LURAP1L: variants seen among roughly 807,000 people sequenced by gnomAD.
LURAP1L encodes leucine rich adaptor protein 1-like.
In LURAP1L, 12 loss-of-function variants were observed where a neutral mutation model predicts 13.8. The observed-to-expected ratio is 0.87, with a 90% confidence interval of 0.56 to 1.41. LURAP1L has a LOEUF of 1.41. LURAP1L is among the 40% of genes most tolerant of loss of function. The pLI is 0.00. For synonymous variants in LURAP1L, 139 were observed against 119.2 expected, an observed-to-expected ratio of 1.17 and a Z score of -1.08; for missense variants, 375 against 292.9, an observed-to-expected ratio of 1.28 and a Z score of -2.04.
intron 1 of LURAP1L, among the ~76,000 whole-genome samples, chr9:12,819,115 C>A (rs932483367): frequency 6.6e-6 from 1 of 152,080 alleles, no homozygotes; most frequent in Admixed American, 6.6e-5. Context: ...TTGAGACACC[C>A]CAACAAATAG....
chr9:12,802,437 T>A (rs1819599928), intron 1 of LURAP1L, among the ~76,000 whole-genome samples: 1 of 152,020 alleles, frequency 6.6e-6, no homozygotes. Flanking sequence ...ATGTGACACA[T>A]CCCCCACTCT....
In LURAP1L at chr9:12,776,132, G is replaced by T. The variant is rs1396663961; in HGVS notation, c.312+105G>T. The T allele has an allele frequency of 5.1e-6, 6 of 1,178,020 alleles. 1 individual carries two copies. The South Asian group carries it at 6.8e-5, about 13-fold the overall frequency. The allele number at this position is 1,178,020 out of a possible 1,614,324, so 73.0% of individuals were successfully genotyped here. A position where few individuals can be genotyped will look rare whatever the true frequency, so the allele number is the denominator to read the frequency against. Reference sequence around the variant, plus strand: ...GAGAGGACGGCAGGGGCTGCAGAGCGGAGCGCTGGGCGCGTGGGAAATGCT... The same window carrying T: ...GAGAGGACGGCAGGGGCTGCAGAGCTGAGCGCTGGGCGCGTGGGAAATGCT... On this transcript the variant is annotated intron_variant, in intron 1 of 1. Transcript: ENST00000319264.
intron 1 of LURAP1L, among the ~76,000 whole-genome samples, chr9:12,797,998 A>T (rs951336495): frequency 2.6e-5 from 4 of 152,146 alleles, no homozygotes; most frequent in African/African-American, 9.7e-5. Flanking sequence ...TTTAGATGCT[A>T]GTTCATGGGG....
At chr9:12,805,515 A>G (rs1819643733) in intron 1 of LURAP1L, among the ~76,000 whole-genome samples, 2 of 152,206 alleles carry the variant, frequency 1.3e-5, no homozygotes, top group African/African-American at 2.4e-5. Context: ...CACAGTCTCA[A>G]TGGTTATTCT....
intron 1 of LURAP1L, among the ~76,000 whole-genome samples, chr9:12,808,179 A>G (rs1819686990): frequency 6.6e-6 from 1 of 151,808 alleles, no homozygotes; most frequent in Non-Finnish European, 1.5e-5. Flanking sequence ...CATTTTTTTT[A>G]ATACAGATCT....
At chr9:12,804,651 T>C (rs958023612) in intron 1 of LURAP1L, among the ~76,000 whole-genome samples, 1 of 152,158 alleles carries the variant, frequency 6.6e-6, no homozygotes, top group Non-Finnish European at 1.5e-5. Flanking sequence ...TCCTCTGTTA[T>C]TTGATTCTAT....
At chr9:12,814,060 C>T (rs72702673) in intron 1 of LURAP1L, among the ~76,000 whole-genome samples, 90 of 152,214 alleles carry the variant, frequency 5.9e-4, no homozygotes, top group Middle Eastern at 3.4e-3. Flanking sequence ...TATATCAGCA[C>T]AATTTGTATT....
intron 1 of LURAP1L, among the ~76,000 whole-genome samples, chr9:12,796,513 C>T (rs1454321928): frequency 6.6e-6 from 1 of 151,776 alleles, no homozygotes; most frequent in Non-Finnish European, 1.5e-5. Flanking sequence ...ATTTTATGTG[C>T]ATTTCTCTAA....
At chr9:12,806,007 G>A (rs1819651772) in intron 1 of LURAP1L, among the ~76,000 whole-genome samples, 1 of 152,174 alleles carries the variant, frequency 6.6e-6, no homozygotes. Context: ...CAGTCCGAAA[G>A]GGAAAATTCT....
chr9:12,789,783 G>A (rs1819414679), intron 1 of LURAP1L, among the ~76,000 whole-genome samples: 2 of 152,116 alleles, frequency 1.3e-5, no homozygotes, highest in African/African-American at 4.8e-5. Context: ...TCAGATAGAT[G>A]TTCATATAGG....
At chr9:12,797,979 G>A (rs1193328532) in intron 1 of LURAP1L, among the ~76,000 whole-genome samples, 1 of 152,070 alleles carries the variant, frequency 6.6e-6, no homozygotes, top group Non-Finnish European at 1.5e-5. Flanking sequence ...CCCTAAAAAT[G>A]AACGGTAATT....
intron 1 of LURAP1L, among the ~76,000 whole-genome samples, chr9:12,799,546 T>G: frequency 6.6e-6 from 1 of 152,320 alleles, no homozygotes; most frequent in Admixed American, 6.5e-5. Context: ...TTAACCTACT[T>G]AATTACATTA....
chr9:12,807,961 C>A (rs1819683931), intron 1 of LURAP1L, among the ~76,000 whole-genome samples: 1 of 152,076 alleles, frequency 6.6e-6, no homozygotes, highest in Non-Finnish European at 1.5e-5. Flanking sequence ...TATACCACAT[C>A]ATGGTAGTAC....
intron 1 of LURAP1L, among the ~76,000 whole-genome samples, chr9:12,809,244 G>A (rs1014101927): frequency 1.3e-5 from 2 of 152,050 alleles, no homozygotes; most frequent in African/African-American, 4.8e-5. Context: ...ATTTGGAGGG[G>A]GCAGAACATC....
Position 12,821,995 on chromosome 9 carries a change from A to G in LURAP1L, c.*235A>G. ...TTACAATGATTTTCTCCCTTCTTTT[A>G]CAGTAGCACAAACAAAGTAGGGGGA... On this transcript the variant is annotated 3_prime_UTR_variant, in exon 2 of 2. Transcript: ENST00000319264. 2.3e-6 allele frequency: 1 copy of G among 430,198 alleles called. No individual in the cohort carries two copies. The highest frequency in any genetic ancestry group is 4.1e-6 in the Non-Finnish European group (1 of 246,896). 26.6% of individuals were successfully genotyped at this position (430,198 alleles called of 1,614,324 possible).
At chr9:12,805,044 T>G (rs1279772118) in intron 1 of LURAP1L, among the ~76,000 whole-genome samples, 3 of 152,156 alleles carry the variant, frequency 2.0e-5, no homozygotes, top group Non-Finnish European at 2.9e-5. Context: ...AAAATTAAGT[T>G]AAATGATGTT....
chr9:12,810,609 A>T (rs1210322662), intron 1 of LURAP1L, among the ~76,000 whole-genome samples: 1 of 152,236 alleles, frequency 6.6e-6, no homozygotes, highest in Non-Finnish European at 1.5e-5. Flanking sequence ...TTAATATTTA[A>T]GGCATCTAGC....
At chr9:12,819,319 T>C (rs1819843739) in intron 1 of LURAP1L, among the ~76,000 whole-genome samples, 1 of 152,236 alleles carries the variant, frequency 6.6e-6, no homozygotes, top group Non-Finnish European at 1.5e-5. Context: ...TATTCATAGA[T>C]ATATTTTTAT....
chr9:12,822,574 TATAA>T lies in LURAP1L; in HGVS notation c.*818_*821del, dbSNP rs1819895819. Among the ~76,000 whole-genome samples the T allele has an allele frequency of 6.6e-6, 1 of 152,314 alleles. No homozygotes were observed. The highest frequency in any genetic ancestry group is 2.1e-4 in the South Asian group (1 of 4,826). ...TGTATTTTGTGATTCTGATAGGATG[TATAA>T]ATACTTAGATGCATACAAGCCGATG... On this transcript the variant is annotated 3_prime_UTR_variant, in exon 2 of 2. Coordinates refer to ENST00000319264, the MANE Select transcript of LURAP1L (RefSeq NM_203403.2).
Sources: gnomAD v4.1 joint callset for allele counts (sites outside exome capture counted in the v4.1 genomes callset) on GRCh38, gnomAD v4.1.1 for gene constraint, MANE v1.5 for transcripts, NCBI Gene and HGNC (gene_info 2026-07-23, HGNC 2026-07-21) for gene names.